MAST4: variants seen among roughly 807,000 people sequenced by gnomAD.
MAST4 encodes microtubule associated serine/threonine kinase family member 4.
Under a neutral mutation model 162.7 loss-of-function variants are expected in MAST4, and 89 were observed. The observed-to-expected ratio is 0.55, with a 90% CI of 0.46 to 0.65. The LOEUF (loss-of-function observed/expected upper bound fraction) is 0.65. Among genes scored for constraint, MAST4 ranks in the 30% least tolerant of loss-of-function variants. The pLI, the probability that MAST4 is intolerant of heterozygous loss-of-function variation, is 0.00. For missense variants in MAST4, 3,153 were observed against 3,374.0 expected, an observed-to-expected ratio of 0.93 and a Z score of 1.62; for synonymous variants, 1,479 against 1,361.1, an observed-to-expected ratio of 1.09 and a Z score of -1.91.
At chr5:66,982,190 T>C (rs1748941816) in intron 4 of MAST4, among the ~76,000 whole-genome samples, 1 of 152,244 alleles carries the variant, frequency 6.6e-6, no homozygotes, top group Admixed American at 6.5e-5. Context: ...CTCAGCTTTC[T>C]GTAGGTGACA....
At position 66,596,855 on chromosome 5, in the gene MAST4, C is replaced by T. The variant is rs933133193; in HGVS notation, c.200C>T (p.Pro67Leu). 3 of 1,278,974 alleles carry T rather than the reference C, an allele frequency of 2.3e-6. No individual in the cohort carries two copies. The highest frequency in any genetic ancestry group is 2.0e-6 in the Non-Finnish European group (2 of 1,012,166). 79.2% of individuals were successfully genotyped at this position (1,278,974 alleles called of 1,614,324 possible). Residue 67 changes from proline (P) to leucine (L), a missense_variant, in exon 1 of 29, where the codon CCG (proline) becomes CTG (leucine). Pro to Leu is a moderately conservative substitution (Grantham distance 98). Around this residue, in one of 7 missense-constraint regions of MAST4, gnomAD observed 327 missense variants for 336.5 expected, o/e 0.97. Transcript: ENST00000403625. Reference sequence around the variant, plus strand: ...AGAGAGCATCAGCCGCCGCCGCCGCCGCCGTTGGGAGGCACCCTGGGCGCC... The same window carrying T: ...AGAGAGCATCAGCCGCCGCCGCCGCTGCCGTTGGGAGGCACCCTGGGCGCC... ...FSREHQPPPPPPLGGTLGARA... is the reference protein window; with the variant it reads ...FSREHQPPPPLPLGGTLGARA...
At position 67,004,854 on chromosome 5, in the gene MAST4, C is replaced by T. The variant is rs1751779212; in HGVS notation, c.675-49550C>T. 4.8e-6 allele frequency: 3 copies of T among 624,180 alleles called. No individual in the cohort carries two copies. In the East Asian group the frequency reaches 8.3e-5, roughly 17 times the overall value. 38.7% of individuals were successfully genotyped at this position (624,180 alleles called of 1,614,324 possible). A position where few individuals can be genotyped will look rare whatever the true frequency, so the allele number is the denominator to read the frequency against. ...AAGTTGTTCTTGAGATCACAGTTCC[C>T]ATCACATTTTCTCTGGAGGGAGTGA... On this transcript the variant is annotated intron_variant, in intron 4 of 28. Transcript: ENST00000403625.
intron 4 of MAST4, among the ~76,000 whole-genome samples, chr5:66,938,407 A>G (rs1222471554): frequency 6.6e-6 from 1 of 152,216 alleles, no homozygotes; most frequent in Non-Finnish European, 1.5e-5. Flanking sequence ...AGAAAGAGAA[A>G]ATGGCTTCAA....
chr5:66,906,988 T>C (rs2149999308), intron 4 of MAST4, among the ~76,000 whole-genome samples: 1 of 152,216 alleles, frequency 6.6e-6, no homozygotes, highest in African/African-American at 2.4e-5. Context: ...GCTAGACTTC[T>C]GAGGTAGAGT....
At chr5:66,694,779 G>C (rs13186376) in intron 1 of MAST4, among the ~76,000 whole-genome samples, 1 of 152,034 alleles carries the variant, frequency 6.6e-6, no homozygotes, top group Non-Finnish European at 1.5e-5. Flanking sequence ...GAGCCACCAC[G>C]CCCAGCCAAT....
chr5:66,896,452 TG>T (rs1311542811), intron 3 of MAST4, among the ~76,000 whole-genome samples: 1 of 152,164 alleles, frequency 6.6e-6, no homozygotes, highest in Non-Finnish European at 1.5e-5. Context: ...TATTTGGAAG[TG>T]AGTCACTAGG....
At chr5:66,783,480 A>T (rs1754972017) in intron 2 of MAST4, 2 of 152,198 alleles carry the variant, frequency 1.3e-5, no homozygotes, top group Admixed American at 6.5e-5. Flanking sequence ...CAACTAGAGC[A>T]ATTAATTTTT....
intron 5 of MAST4, among the ~76,000 whole-genome samples, chr5:67,086,923 T>C (rs1228882356): frequency 1.3e-5 from 2 of 152,230 alleles, no homozygotes; most frequent in Non-Finnish European, 2.9e-5. Flanking sequence ...CTGTTCTAAA[T>C]TAGCAGTATT....
chr5:66,745,079 A>C (rs1752674686), intron 1 of MAST4, among the ~76,000 whole-genome samples: 1 of 152,182 alleles, frequency 6.6e-6, no homozygotes, highest in Admixed American at 6.5e-5. Flanking sequence ...TCATTAATTG[A>C]CCAAGATCCT....
chr5:67,061,627 A>G (rs1759615821), intron 5 of MAST4, among the ~76,000 whole-genome samples: 2 of 150,630 alleles, frequency 1.3e-5, no homozygotes, highest in Admixed American at 6.6e-5. Flanking sequence ...GTTGTTATGT[A>G]TAGTTGTACA....
intron 22 of MAST4, among the ~76,000 whole-genome samples, 165 bp from the exon 23 acceptor site, chr5:67,144,979 T>C (rs1037072630): frequency 6.6e-6 from 1 of 152,198 alleles, no homozygotes; most frequent in Non-Finnish European, 1.5e-5. Context: ...GTATCTAGAT[T>C]ATGCAGATGT....
intron 1 of MAST4, among the ~76,000 whole-genome samples, chr5:66,667,491 C>G (rs533121721): frequency 6.6e-6 from 1 of 152,116 alleles, no homozygotes; most frequent in East Asian, 1.9e-4. Flanking sequence ...TATTACATTT[C>G]TCTCATCTTT....
At chr5:67,071,735 G>C (rs1373145278) in intron 5 of MAST4, among the ~76,000 whole-genome samples, 1 of 152,162 alleles carries the variant, frequency 6.6e-6, no homozygotes, top group Admixed American at 6.5e-5. Context: ...GCTCCAGCCT[G>C]GGCGACAGAG....
chr5:66,960,168 A>C (rs1745834068), intron 4 of MAST4, among the ~76,000 whole-genome samples: 1 of 152,210 alleles, frequency 6.6e-6, no homozygotes, highest in Admixed American at 6.5e-5. Flanking sequence ...ATAATCTCAT[A>C]CTGGACTGTC....
At chr5:66,775,160 A>G (rs1262862014) in intron 2 of MAST4, among the ~76,000 whole-genome samples, 4 of 152,118 alleles carry the variant, frequency 2.6e-5, no homozygotes, top group Non-Finnish European at 4.4e-5. Flanking sequence ...AGTGCCTTCA[A>G]TAGTCACAGT....
chr5:67,059,270 C>G (rs1759256700), intron 5 of MAST4, among the ~76,000 whole-genome samples: 1 of 152,196 alleles, frequency 6.6e-6, no homozygotes, highest in South Asian at 2.1e-4. Context: ...CTCCTTCCAT[C>G]AACCAGAGAA....
At chr5:66,689,932 C>T (rs1007841229) in intron 1 of MAST4, among the ~76,000 whole-genome samples, 1 of 152,130 alleles carries the variant, frequency 6.6e-6, no homozygotes, top group Admixed American at 6.6e-5. Context: ...GCTTTTTTCA[C>T]ATGAATTGGG....
At chr5:66,897,466 G>T (rs377608729) in intron 3 of MAST4, among the ~76,000 whole-genome samples, 1 of 152,200 alleles carries the variant, frequency 6.6e-6, no homozygotes, top group East Asian at 1.9e-4. Flanking sequence ...TGCTCCCCGC[G>T]CAGGCTGCAA....
At chr5:67,104,712 A>AC in intron 10 of MAST4, 137 bp downstream of exon 10, 1 of 634,458 alleles carries the variant, frequency 1.6e-6, no homozygotes, top group Non-Finnish European at 2.7e-6. Context: ...AAAAAAAAAA[A>AC]CTCACCTGAT....
Sources: allele counts gnomAD v4.1 joint callset (sites outside exome capture counted in the v4.1 genomes callset), GRCh38; gene constraint gnomAD v4.1.1; regional missense constraint gnomAD v4.1.1; transcripts MANE v1.5; gene names NCBI Gene and HGNC (gene_info 2026-07-23, HGNC 2026-07-21).